The following IHO1 variants were observed in gnomAD, a reference collection of about 807,000 sequenced individuals.
IHO1 encodes the protein interactor of HORMAD1 1.
In IHO1, 13 loss-of-function variants were observed where a neutral mutation model predicts 31.0. The observed-to-expected ratio is 0.42, with a 90% CI of 0.27 to 0.67. The LOEUF (loss-of-function observed/expected upper bound fraction) is 0.67. Among genes scored for constraint, IHO1 ranks in the 30% least tolerant of loss-of-function variants. IHO1 has a pLI of 0.24. For missense variants in IHO1, 599 were observed against 687.5 expected (o/e 0.87, Z 1.44); for synonymous variants, 221 against 248.4 (o/e 0.89, Z 1.04).
intron 1 of IHO1, among the ~76,000 whole-genome samples, chr3:49,202,195 A>G (rs190437096): frequency 6.6e-6 from 1 of 152,234 alleles, no homozygotes; most frequent in East Asian, 1.9e-4. Context: ...AGAATGATGT[A>G]GTGTTACATT....
rs186522303 is a variant in IHO1, at chr3:49,231,609, C to A, written c.57-4939C>A. ...AAAATGTGCAGTTAATGATTTCATACAGATGAACAACTGATGACTTCATTT... is the reference window on the plus strand; with the variant it reads ...AAAATGTGCAGTTAATGATTTCATAAAGATGAACAACTGATGACTTCATTT... On this transcript the variant is annotated intron_variant, in intron 2 of 7. Coordinates refer to ENST00000452691, the MANE Select transcript of IHO1 (RefSeq NM_001135197.2). 2.8e-3 allele frequency among the ~76,000 whole-genome samples: 420 copies of A among 152,316 alleles called. 3 individuals are homozygous for A. Among genetic ancestry groups the A allele is most frequent in the African/African-American group, 9.4e-3 (390 of 41,572 alleles).
intron 3 of IHO1, among the ~76,000 whole-genome samples, chr3:49,237,315 C>G (rs2046571977): frequency 6.6e-6 from 1 of 152,098 alleles, no homozygotes; most frequent in Non-Finnish European, 1.5e-5. Flanking sequence ...CCACTGAACT[C>G]TATCCTGGGA....
chr3:49,201,724 C>T (rs2046071801), intron 1 of IHO1, among the ~76,000 whole-genome samples: 1 of 152,136 alleles, frequency 6.6e-6, no homozygotes, highest in Admixed American at 6.5e-5. Flanking sequence ...TGAGACCTGC[C>T]TGAGCAACAT....
chr3:49,256,538 T>C lies in IHO1; in HGVS notation c.1041T>C (p.His347=). The change falls in exon 8 of 8, where the codon CAT becomes CAC. Residue 347 remains histidine, a synonymous_variant. Transcript: ENST00000452691. The surrounding 1 kb of genome is among the most constrained non-coding windows in gnomAD (Gnocchi z 4.6). ...TTGGGTCCCATGAAAGAAATAGGCA[T>C]GTAAAGGACAAGGTGGTGCAGACTA... ...PAFGSHERNR[H]VKDKVVQTNC... 1 of 1,614,118 alleles carries C rather than the reference T, an allele frequency of 6.2e-7. No homozygotes were observed. Among genetic ancestry groups the C allele is most frequent in the Non-Finnish European group, 8.5e-7 (1 of 1,180,024 alleles).
intron 1 of IHO1, among the ~76,000 whole-genome samples, chr3:49,208,375 T>C (rs1448016092): frequency 6.6e-6 from 1 of 152,228 alleles, no homozygotes; most frequent in Non-Finnish European, 1.5e-5. Flanking sequence ...CATTAGATTC[T>C]CATAGGAGTG....
chr3:49,191,721 G>A, the IHO1 span: 1 of 1,595,264 alleles, frequency 6.3e-7, no homozygotes, highest in Non-Finnish European at 8.5e-7. Context: ...CAGGGGCCAG[G>A]ATTAACATAA....
At chr3:49,236,448 C>T in intron 2 of IHO1, 100 bp from the exon 3 acceptor site, 1 of 831,236 alleles carries the variant, frequency 1.2e-6, no homozygotes, top group Non-Finnish European at 1.9e-6. Flanking sequence ...AACAAGCTAT[C>T]ATTCTGCCCA....
intron 2 of IHO1, among the ~76,000 whole-genome samples, chr3:49,219,806 C>T (rs1467893681): frequency 6.6e-6 from 1 of 152,142 alleles, no homozygotes; most frequent in Non-Finnish European, 1.5e-5. Context: ...AACAATGGGA[C>T]AAGTGTGGGC....
chr3:49,234,077 C>T (rs1041015030), intron 2 of IHO1, among the ~76,000 whole-genome samples: 15 of 148,282 alleles, frequency 1.0e-4, no homozygotes, highest in African/African-American at 3.5e-4. Context: ...CTGTTCGGGG[C>T]TGAGAAAAAA....
intron 1 of IHO1, among the ~76,000 whole-genome samples, chr3:49,202,851 A>ATTTTTTTT (rs71077774): frequency 5.5e-5 from 5 of 90,150 alleles, no homozygotes; most frequent in Admixed American, 1.3e-4. Flanking sequence ...AATTTTTTGT[A>ATTTTTTTT]TTTTTTTTTT....
chr3:49,212,609 A>G (rs919194146), intron 2 of IHO1, among the ~76,000 whole-genome samples: 13 of 152,138 alleles, frequency 8.5e-5, no homozygotes, highest in Non-Finnish European at 1.2e-4. Context: ...ACTGACTTCA[A>G]GAATGAGGCC....
intron 2 of IHO1, among the ~76,000 whole-genome samples, chr3:49,220,045 G>A (rs901372512): frequency 6.6e-6 from 1 of 152,170 alleles, no homozygotes; most frequent in East Asian, 1.9e-4. Flanking sequence ...GTGAAAAGTG[G>A]TTGCCCCAGT....
At chr3:49,228,998 T>C (rs1487139724) in intron 2 of IHO1, among the ~76,000 whole-genome samples, 2 of 152,202 alleles carry the variant, frequency 1.3e-5, no homozygotes, top group Non-Finnish European at 2.9e-5. Flanking sequence ...GAGTGCTGAT[T>C]GGTGCATTTA....
In IHO1 at chr3:49,255,482, A is replaced by G. The variant is rs1226349792; in HGVS notation, c.625A>G (p.Arg209Gly). The G allele has an allele frequency of 1.9e-6, 3 of 1,600,142 alleles. No homozygotes were observed. Among genetic ancestry groups the G allele is most frequent in the South Asian group, 2.3e-5 (2 of 88,812 alleles). Residue 209 changes from arginine (R) to glycine (G), a missense_variant, in exon 7 of 8, where the codon AGA becomes GGA. By Grantham distance (125) the Arg-to-Gly change is moderately radical. Coordinates refer to ENST00000452691, the MANE Select transcript of IHO1 (RefSeq NM_001135197.2). ...MEQAILEMKK[R>G]FEARQGEFIE... ...GCAGGCCATCCTTGAGATGAAGAAA[A>G]GATTTGAAGCTGTAAGTGTAAACCC...
At position 49,214,636 on chromosome 3, in the gene IHO1, T is replaced by A. The variant is rs1281421843; in HGVS notation, c.56+2800T>A. The stretch of plus-strand genomic sequence containing the variant: ...TATATATATATATATATATATATTT[T>A]TTTTTTTTTTTTTTTTTTTTGAGAC... On this transcript the variant is annotated intron_variant, in intron 2 of 7. Coordinates refer to ENST00000452691, the MANE Select transcript of IHO1 (RefSeq NM_001135197.2). Among the ~76,000 whole-genome samples the A allele has an allele frequency of 2.4e-3, 59 of 24,904 alleles. No homozygotes were observed. The East Asian group carries it at 0.15, about 63-fold the overall frequency. 16.3% of individuals were successfully genotyped at this position (24,904 alleles called of 152,430 possible). A position where few individuals can be genotyped will look rare whatever the true frequency, so the allele number is the denominator to read the frequency against.
intron 3 of IHO1, among the ~76,000 whole-genome samples, chr3:49,237,401 T>C (rs964372514): frequency 3.3e-5 from 5 of 152,030 alleles, no homozygotes; most frequent in African/African-American, 1.2e-4. Flanking sequence ...TTTCTAGCCT[T>C]AAAAAAATTA....
chr3:49,245,188 ATT>A (rs146992633), intron 6 of IHO1: 701 of 176,660 alleles, frequency 4.0e-3, no homozygotes, highest in East Asian at 7.5e-3. Flanking sequence ...ATCATTCTCA[ATT>A]TTTTTTTTTT....
At chr3:49,238,768 A>G (rs192928964) in intron 3 of IHO1, among the ~76,000 whole-genome samples, 4 of 152,326 alleles carry the variant, frequency 2.6e-5, no homozygotes, top group African/African-American at 9.6e-5. Context: ...CAGGAATTGT[A>G]AAACTCTGTG....
At chr3:49,193,150 T>A in the IHO1 span, among the ~76,000 whole-genome samples, 1 of 151,176 alleles carries the variant, frequency 6.6e-6, no homozygotes, top group African/African-American at 2.4e-5. Context: ...GTGGGCAGAA[T>A]GTTTGAGCTC....
Sources: gnomAD v4.1 joint callset for allele counts (sites outside exome capture counted in the v4.1 genomes callset) on GRCh38, gnomAD v4.1.1 for gene constraint, Gnocchi (gnomAD v3.1) non-coding constraint, MANE v1.5 for transcripts, NCBI Gene and HGNC (gene_info 2026-07-23, HGNC 2026-07-21) for gene names.